ZBTB7C: variants seen among roughly 807,000 people sequenced by gnomAD.
The protein encoded by ZBTB7C is zinc finger and BTB domain-containing protein 7C.
In ZBTB7C, 8 loss-of-function variants were observed where a neutral mutation model predicts 25.7. The observed-to-expected ratio is 0.31, with a 90% CI of 0.18 to 0.56. ZBTB7C has a LOEUF of 0.56. Among genes scored for constraint, ZBTB7C ranks in the 20% least tolerant of loss-of-function variants. The pLI is 0.91. For missense variants in ZBTB7C, 824 were observed against 855.2 expected, an observed-to-expected ratio of 0.96 and a Z score of 0.46; for synonymous variants, 394 against 369.0, an observed-to-expected ratio of 1.07 and a Z score of -0.78.
At position 48,103,574 on chromosome 18, in the gene ZBTB7C, C is replaced by T. The variant is rs2038925825; in HGVS notation, c.-16-62451G>A. On this transcript the variant is annotated intron_variant, in intron 3 of 4. Transcript: ENST00000590800. ...GTAAGGTAGAATGACCTAGCAATCT[C>T]ACTCCTAGGTGCACACCCAAGAGAA... Among the ~76,000 whole-genome samples, 4 of 152,224 alleles carry T rather than the reference C, an allele frequency of 2.6e-5. No homozygotes were observed. The South Asian group carries it at 6.2e-4, about 24-fold the overall frequency.
At chr18:48,113,683 A>G (rs902453738) in intron 3 of ZBTB7C, among the ~76,000 whole-genome samples, 1 of 148,842 alleles carries the variant, frequency 6.7e-6, no homozygotes, top group Admixed American at 6.6e-5. Flanking sequence ...AACTCATTTT[A>G]TCCTCAGGCT....
chr18:48,194,891 G>A (rs2042283248), intron 2 of ZBTB7C, among the ~76,000 whole-genome samples: 1 of 150,248 alleles, frequency 6.7e-6, no homozygotes, highest in Admixed American at 6.7e-5. Flanking sequence ...GAGGGGGGAG[G>A]GGGCAGAGGG....
chr18:48,186,168 G>A (rs1385633344), intron 2 of ZBTB7C, among the ~76,000 whole-genome samples, 173 bp from the exon 3 acceptor site: 5 of 152,138 alleles, frequency 3.3e-5, no homozygotes, highest in African/African-American at 4.8e-5. Context: ...CTCGCTCCTC[G>A]CAGGATTCCA....
intron 2 of ZBTB7C, among the ~76,000 whole-genome samples, chr18:48,323,777 C>T (rs1451316372): frequency 6.6e-6 from 1 of 152,054 alleles, no homozygotes. Context: ...GTGCAGTTTA[C>T]CCTCCAGTGA....
intron 3 of ZBTB7C, among the ~76,000 whole-genome samples, chr18:48,177,659 C>A (rs917205728): frequency 6.6e-6 from 1 of 152,046 alleles, no homozygotes; most frequent in African/African-American, 2.4e-5. Context: ...CCAGGCCTGG[C>A]CTGTTGAGAA....
chr18:48,119,573 T>A (rs938045151), intron 3 of ZBTB7C, among the ~76,000 whole-genome samples: 3 of 152,266 alleles, frequency 2.0e-5, no homozygotes, highest in East Asian at 1.9e-4. Flanking sequence ...TTGTCTTTTT[T>A]AAATGTTATT....
intron 2 of ZBTB7C, among the ~76,000 whole-genome samples, chr18:48,227,938 T>C (rs751293404): frequency 1.3e-5 from 2 of 152,160 alleles, no homozygotes; most frequent in African/African-American, 2.4e-5. Context: ...GCATAACTTC[T>C]CATTCCATAT....
At chr18:48,241,060 A>C (rs757546449) in intron 2 of ZBTB7C, among the ~76,000 whole-genome samples, 11 of 152,178 alleles carry the variant, frequency 7.2e-5, no homozygotes, top group Non-Finnish European at 1.3e-4. Context: ...TTCTCATATC[A>C]GACAAGATAG....
chr18:48,080,675 G>A (rs1268372747), intron 3 of ZBTB7C, among the ~76,000 whole-genome samples: 1 of 152,234 alleles, frequency 6.6e-6, no homozygotes, highest in African/African-American at 2.4e-5. Flanking sequence ...GGCACCATGT[G>A]ACATGAACTG....
At chr18:48,386,123 G>A (rs929059640) in intron 1 of ZBTB7C, among the ~76,000 whole-genome samples, 3 of 152,166 alleles carry the variant, frequency 2.0e-5, no homozygotes, top group African/African-American at 4.8e-5. Context: ...TCTTTGGTTA[G>A]CACACTGTAG....
intron 3 of ZBTB7C, among the ~76,000 whole-genome samples, chr18:48,048,899 A>C (rs1462891742): frequency 3.9e-5 from 6 of 152,106 alleles, no homozygotes; most frequent in Admixed American, 3.9e-4. Flanking sequence ...GGCTGGTACA[A>C]ATTTTACGTC....
intron 1 of ZBTB7C, among the ~76,000 whole-genome samples, chr18:48,356,027 A>G (rs779216546): frequency 5.3e-5 from 8 of 149,676 alleles, no homozygotes; most frequent in Non-Finnish European, 1.0e-4. Flanking sequence ...GCCCCACCCC[A>G]GAAGTCTTGA....
At chr18:48,159,534 C>T (rs1181017786) in intron 3 of ZBTB7C, among the ~76,000 whole-genome samples, 30 of 152,226 alleles carry the variant, frequency 2.0e-4, no homozygotes. Context: ...CATGCCTACA[C>T]TAATTCATTC....
intron 2 of ZBTB7C, among the ~76,000 whole-genome samples, chr18:48,287,022 C>CA (rs143883224): frequency 0.053 from 8,101 of 151,572 alleles, 259 homozygotes; most frequent in Non-Finnish European, 0.072. Flanking sequence ...CAAACAAAAA[C>CA]AAAAAAAACT....
chr18:48,140,720 G>A (rs983370319), intron 3 of ZBTB7C, among the ~76,000 whole-genome samples: 4 of 152,178 alleles, frequency 2.6e-5, no homozygotes, highest in African/African-American at 9.7e-5. Flanking sequence ...TAGAGGATGT[G>A]CAGACATGGG....
chr18:48,367,223 A>C, intron 1 of ZBTB7C, among the ~76,000 whole-genome samples: 1 of 99,424 alleles, frequency 1.0e-5, no homozygotes, highest in East Asian at 3.1e-4. Flanking sequence ...ACACACACAC[A>C]CACACACACA....
chr18:48,264,258 T>C (rs972551960), intron 2 of ZBTB7C, among the ~76,000 whole-genome samples: 1 of 152,220 alleles, frequency 6.6e-6, no homozygotes, highest in Admixed American at 6.5e-5. Context: ...GCTGTAATCA[T>C]GGGGCGAATA....
intron 3 of ZBTB7C, among the ~76,000 whole-genome samples, chr18:48,065,828 C>T (rs2037307940): frequency 6.6e-6 from 1 of 152,186 alleles, no homozygotes. Flanking sequence ...GAGAAGTGGT[C>T]TTATCAGAGG....
intron 2 of ZBTB7C, among the ~76,000 whole-genome samples, chr18:48,238,373 T>C (rs533229898): frequency 6.6e-6 from 1 of 152,220 alleles, no homozygotes; most frequent in African/African-American, 2.4e-5. Flanking sequence ...CACAGGAACA[T>C]ACCAGGAAAA....
Sources: allele counts gnomAD v4.1 joint callset (sites outside exome capture counted in the v4.1 genomes callset), GRCh38; gene constraint gnomAD v4.1.1; transcripts MANE v1.5; gene names NCBI Gene and HGNC (gene_info 2026-07-23, HGNC 2026-07-21).